The following ATP6AP2 variants were observed in gnomAD, a reference collection of about 807,000 sequenced individuals.
The protein encoded by ATP6AP2 is ATPase H+ transporting accessory protein 2.
Under a neutral mutation model 23.4 loss-of-function variants are expected in ATP6AP2, and 1 was observed. That is an observed-to-expected ratio of 0.04 (90% CI 0.02 to 0.20). The LOEUF is 0.20. Ranked by LOEUF, ATP6AP2 falls within the 10% of genes least tolerant of loss-of-function variation. The probability of loss-of-function intolerance (pLI) is 1.00; values close to 1 mark genes in which losing one functional copy is unlikely to be tolerated. For missense variants in ATP6AP2, 174 were observed against 271.3 expected (o/e 0.64, Z 2.52); for synonymous variants, 90 against 97.1 (o/e 0.93, Z 0.43).
chrX:40,586,622 A>G (rs1397543814), intron 1 of ATP6AP2, among the ~76,000 whole-genome samples: 1 of 112,312 alleles, frequency 8.9e-6, no homozygotes, highest in African/African-American at 3.2e-5. Flanking sequence ...AAGGACTAGA[A>G]TGTTAGGAAA....
intron 8 of ATP6AP2, 40 bp downstream of exon 8, chrX:40,600,921 T>C (rs1569261215): frequency 9.2e-7 from 1 of 1,086,607 alleles, no homozygotes; most frequent in Non-Finnish European, 1.2e-6. Context: ...ACTGTAAAAT[T>C]AACTTCTTAT....
At chrX:40,585,877 T>G (rs1293925642) in intron 1 of ATP6AP2, among the ~76,000 whole-genome samples, 1 of 110,840 alleles carries the variant, frequency 9.0e-6, no homozygotes, top group Non-Finnish European at 1.9e-5. Flanking sequence ...TAAAAAAAAT[T>G]TTTAAAATTT....
intron 3 of ATP6AP2, among the ~76,000 whole-genome samples, chrX:40,594,362 T>G (rs1424760608): frequency 8.9e-6 from 1 of 112,289 alleles, no homozygotes; most frequent in Non-Finnish European, 1.9e-5. Flanking sequence ...TGGAAAATCT[T>G]AAAAGCTGTG....
In ATP6AP2 at chrX:40,600,845, T is replaced by C. The variant is rs149902247; in HGVS notation, c.822T>C (p.Ile274=). The change falls in exon 8 of 9, where the codon ATT becomes ATC. Residue 274 remains isoleucine (I), a synonymous_variant. Coordinates refer to ENST00000636580, the MANE Select transcript of ATP6AP2 (RefSeq NM_005765.3). ...TCAAGTCATTTGACACCTCCCTCAT[T>C]AGGAAGACAAGGACTATCCTTGAGG... ...VTVKSFDTSL[I]RKTRTILEAK... 6.1e-5 allele frequency: 73 copies of C among 1,206,150 alleles called. No individual in the cohort carries two copies. Among genetic ancestry groups the C allele is most frequent in the Non-Finnish European group, 7.7e-5 (69 of 893,202 alleles).
At chrX:40,593,310 G>A (rs73463364) in intron 3 of ATP6AP2, among the ~76,000 whole-genome samples, 4 of 110,314 alleles carry the variant, frequency 3.6e-5, no homozygotes, top group African/African-American at 9.9e-5. Flanking sequence ...CTCCCCCAGC[G>A]TCTTCTAACC....
Position 40,588,996 on chromosome X carries a change from G to C in ATP6AP2, c.48G>C (p.Gly16=). The C allele has an allele frequency of 8.3e-7, 1 of 1,209,675 alleles. No individual in the cohort carries two copies. Among genetic ancestry groups the C allele is most frequent in the South Asian group, 1.8e-5 (1 of 56,928 alleles). The change falls in exon 2 of 9, where the codon GGG becomes GGC. Residue 16 remains glycine, a synonymous_variant. Coordinates refer to ENST00000636580, the MANE Select transcript of ATP6AP2 (RefSeq NM_005765.3). ...VLLALVAGVL[G]NEFSILKSPG... is the part of the protein sequence containing the mutation. Reference sequence around the variant, plus strand: ...CTGTTTTCTTTTCAGGTGTTTTGGGGAACGAGTTTAGTATATTAAAATCAC... The same window carrying C: ...CTGTTTTCTTTTCAGGTGTTTTGGGCAACGAGTTTAGTATATTAAAATCAC...
chrX:40,590,506 G>T (rs1276761176), intron 2 of ATP6AP2: 2 of 111,439 alleles, frequency 1.8e-5, no homozygotes, highest in African/African-American at 6.6e-5. Context: ...AGCCTCCCCG[G>T]TAGCTGGGAC....
intron 2 of ATP6AP2, chrX:40,590,251 A>G (rs1001486915): frequency 8.9e-6 from 1 of 111,920 alleles, no homozygotes; most frequent in Non-Finnish European, 1.9e-5. Context: ...GGGTCTCGCT[A>G]TGTTGTCCAG....
At position 40,597,228 on chromosome X, in the gene ATP6AP2, G is replaced by A. The variant is rs761053156; in HGVS notation, c.301-21G>A. ...CCACTTTGGTTCACATAATAATTGC[G>A]TTCTTACTCTTAAATTTCAGGCAGT... On this transcript the variant is annotated intron_variant, in intron 3 of 8. Coordinates refer to ENST00000636580, the MANE Select transcript of ATP6AP2 (RefSeq NM_005765.3). The A allele has an allele frequency of 2.6e-5, 29 of 1,110,312 alleles. No homozygotes were observed. The South Asian group carries it at 4.6e-4, about 18-fold the overall frequency. 91.5% of individuals were successfully genotyped at this position (1,110,312 alleles called of 1,213,427 possible).
intron 2 of ATP6AP2, chrX:40,589,420 G>A (rs1926565648): frequency 4.3e-6 from 1 of 235,082 alleles, no homozygotes; most frequent in South Asian, 7.0e-5. Context: ...GGAAGATTTT[G>A]GATGAGTGCT....
intron 3 of ATP6AP2, 117 bp from the exon 4 acceptor site, chrX:40,597,131 TA>T: frequency 1.7e-6 from 1 of 596,755 alleles, no homozygotes; most frequent in Admixed American, 2.9e-5. Flanking sequence ...TTCGGGCTTC[TA>T]AATTTCCATA....
chrX:40,606,430 TACACACAAAA>T lies in ATP6AP2; in HGVS notation c.*677_*686del, dbSNP rs1212578336. 8.0e-5 allele frequency: 9 copies of T among 112,389 alleles called. No individual in the cohort carries two copies. Among genetic ancestry groups the T allele is most frequent in the African/African-American group, 2.6e-4 (8 of 30,861 alleles). The allele number at this position is 112,389 out of a possible 1,213,427, so 9.3% of individuals were successfully genotyped here. On this transcript the variant is annotated 3_prime_UTR_variant, in exon 9 of 9. Coordinates refer to ENST00000636580, the MANE Select transcript of ATP6AP2 (RefSeq NM_005765.3). ...TGGAGTATATAGATGCTTTTCATTATACACACAAAAATCCCTGAGGGACATTTTGAGGCAT... is the reference window on the plus strand; with the variant it reads ...TGGAGTATATAGATGCTTTTCATTATATCCCTGAGGGACATTTTGAGGCAT...
rs1256851210 is a variant in ATP6AP2 at position 40,605,941 on chromosome X, C to T, written c.*186C>T. 1 of 431,650 alleles carries T rather than the reference C, an allele frequency of 2.3e-6. No individual in the cohort carries two copies. Among genetic ancestry groups the T allele is most frequent in the African/African-American group, 2.5e-5 (1 of 40,461 alleles). The allele number at this position is 431,650 out of a possible 1,213,427, so 35.6% of individuals were successfully genotyped here. On this transcript the variant is annotated 3_prime_UTR_variant, in exon 9 of 9. Coordinates refer to ENST00000636580, the MANE Select transcript of ATP6AP2 (RefSeq NM_005765.3). ...TGAATTATAGTATTGACGTGAATCC[C>T]ACTGTGGTATAGATTCCATAATATG... is the stretch of plus-strand genomic sequence containing the variant.
At chrX:40,582,946 A>G (rs1926366552) in intron 1 of ATP6AP2, among the ~76,000 whole-genome samples, 1 of 112,281 alleles carries the variant, frequency 8.9e-6, no homozygotes, top group Non-Finnish European at 1.9e-5. Flanking sequence ...CAGTCTTGTC[A>G]GATGAGGTTC....
intron 1 of ATP6AP2, among the ~76,000 whole-genome samples, chrX:40,581,983 A>G (rs767663258): frequency 4.5e-5 from 5 of 111,800 alleles, no homozygotes; most frequent in Non-Finnish European, 7.5e-5. Context: ...CTTTTCCATT[A>G]TATATGTTGT....
At chrX:40,583,175 GAAGA>G (rs1926372327) in intron 1 of ATP6AP2, among the ~76,000 whole-genome samples, 1 of 112,286 alleles carries the variant, frequency 8.9e-6, no homozygotes, top group African/African-American at 3.2e-5. Flanking sequence ...TTAGCCTGGA[GAAGA>G]AAGGCCAAGG....
chrX:40,591,720 T>A (rs992192396), intron 3 of ATP6AP2: 1 of 236,191 alleles, frequency 4.2e-6, no homozygotes, highest in African/African-American at 2.9e-5. Context: ...CTGCAGGATT[T>A]TACCTCTTTT....
intron 8 of ATP6AP2, among the ~76,000 whole-genome samples, chrX:40,602,510 C>T (rs1328146500): frequency 3.8e-5 from 4 of 104,829 alleles, no homozygotes; most frequent in South Asian, 4.2e-4. Context: ...ATCAGCCGGG[C>T]GTGGTGGCGC....
Position 40,605,845 on chromosome X carries a change from T to C in ATP6AP2, c.*90T>C. On this transcript the variant is annotated 3_prime_UTR_variant, in exon 9 of 9. Coordinates refer to ENST00000636580, the MANE Select transcript of ATP6AP2 (RefSeq NM_005765.3). ...TTAGTGTGCTTTAAAGTAGATAGTA[T>C]ACTTTACATTTATAAAAAAAAATCA... The C allele has an allele frequency of 1.3e-6, 1 of 781,791 alleles. No homozygotes were observed. The highest frequency in any genetic ancestry group is 1.9e-6 in the Non-Finnish European group (1 of 538,647). 64.4% of individuals were successfully genotyped at this position (781,791 alleles called of 1,213,427 possible).
Sources: gnomAD v4.1 joint callset for allele counts (sites outside exome capture counted in the v4.1 genomes callset) on GRCh38, gnomAD v4.1.1 for gene constraint, MANE v1.5 for transcripts, NCBI Gene and HGNC (gene_info 2026-07-23, HGNC 2026-07-21) for gene names.